Variants in GLP2R observed in about 807,000 individuals in gnomAD.
GLP2R encodes the protein glucagon-like peptide 2 receptor.
A neutral mutation model predicts 68.2 loss-of-function variants in GLP2R; 59 were observed. That is an observed-to-expected ratio of 0.87 (90% confidence interval 0.70 to 1.07). The LOEUF (loss-of-function observed/expected upper bound fraction) is 1.07. Among genes scored for constraint, GLP2R ranks in the 50% least tolerant of loss-of-function variants. GLP2R has a pLI of 0.00. For synonymous variants in GLP2R, 270 were observed against 265.4 expected (o/e 1.02, Z -0.17); for missense variants, 548 against 677.4 (o/e 0.81, Z 2.12).
chr17:9,843,954 C>A (rs1460022938), intron 4 of GLP2R, among the ~76,000 whole-genome samples: 1 of 152,006 alleles, frequency 6.6e-6, no homozygotes, highest in African/African-American at 2.4e-5. Context: ...ACAGTGTGAT[C>A]GTTGCTGGGA....
intron 4 of GLP2R, among the ~76,000 whole-genome samples, chr17:9,852,306 G>A (rs2066899100): frequency 6.6e-6 from 1 of 152,048 alleles, no homozygotes; most frequent in South Asian, 2.1e-4. Flanking sequence ...CCACTTATGA[G>A]TGAGGACGTG....
chr17:9,846,199 C>T (rs1394693670), intron 4 of GLP2R, among the ~76,000 whole-genome samples: 2 of 152,058 alleles, frequency 1.3e-5, no homozygotes, highest in East Asian at 1.9e-4. Context: ...CCTATTAGGT[C>T]CTCTAATATG....
At chr17:9,857,947 G>C (rs1025074474) in intron 6 of GLP2R, among the ~76,000 whole-genome samples, 1 of 152,188 alleles carries the variant, frequency 6.6e-6, no homozygotes, top group Non-Finnish European at 1.5e-5. Flanking sequence ...GAATAAAAAG[G>C]GTGATTGCGT....
chr17:9,882,991 C>CAAAAAAAAAA (rs3073990), intron 11 of GLP2R, among the ~76,000 whole-genome samples: 1 of 126,108 alleles, frequency 7.9e-6, no homozygotes. Flanking sequence ...ATACTCAGGA[C>CAAAAAAAAAA]AAAAAAAAAA....
At chr17:9,862,141 G>A in intron 9 of GLP2R, 51 bp downstream of exon 9, 1 of 1,352,056 alleles carries the variant, frequency 7.4e-7, no homozygotes, top group Non-Finnish European at 1.1e-6. Context: ...CAGCTGTGGG[G>A]AATCCCCCCG....
At chr17:9,848,791 CA>C in intron 4 of GLP2R, among the ~76,000 whole-genome samples, 1 of 151,448 alleles carries the variant, frequency 6.6e-6, no homozygotes, top group Non-Finnish European at 1.5e-5. Context: ...TTTTGGCAAA[CA>C]AAATATGTTA....
intron 11 of GLP2R, among the ~76,000 whole-genome samples, chr17:9,884,942 T>A (rs1386330023): frequency 1.3e-5 from 2 of 152,004 alleles, no homozygotes; most frequent in African/African-American, 2.4e-5. Flanking sequence ...CCGGAAGGCA[T>A]GGGTCAGGCA....
intron 10 of GLP2R, among the ~76,000 whole-genome samples, chr17:9,871,669 A>G (rs938567749): frequency 3.9e-5 from 6 of 151,974 alleles, no homozygotes; most frequent in African/African-American, 1.4e-4. Flanking sequence ...GAATGAATGA[A>G]GAGAGATAAA....
intron 9 of GLP2R, among the ~76,000 whole-genome samples, chr17:9,865,572 T>C (rs1480235258): frequency 2.6e-5 from 4 of 152,210 alleles, no homozygotes; most frequent in African/African-American, 4.8e-5. Flanking sequence ...TATGGATACA[T>C]TTAAAGTTCT....
intron 9 of GLP2R, among the ~76,000 whole-genome samples, chr17:9,865,554 T>G (rs1225850359): frequency 6.6e-6 from 1 of 152,198 alleles, no homozygotes; most frequent in Non-Finnish European, 1.5e-5. Flanking sequence ...TGCCCGATGC[T>G]CTACTCGTAT....
At chr17:9,846,713 T>C (rs1441858138) in intron 4 of GLP2R, among the ~76,000 whole-genome samples, 3 of 152,248 alleles carry the variant, frequency 2.0e-5, no homozygotes, top group Non-Finnish European at 1.5e-5. Context: ...CTTTGGTGTA[T>C]GTTTGAAATT....
intron 9 of GLP2R, chr17:9,866,059 C>CTAGA (rs375670535): frequency 0.18 from 67,608 of 372,664 alleles, 7,600 homozygotes; most frequent in East Asian, 0.5. Flanking sequence ...GGACTCTGTG[C>CTAGA]ATTGGTTCTA....
chr17:9,870,436 G>A (rs2067081530), intron 9 of GLP2R, among the ~76,000 whole-genome samples: 1 of 152,138 alleles, frequency 6.6e-6, no homozygotes, highest in Non-Finnish European at 1.5e-5. Context: ...TTTCTAGATG[G>A]CCTTAATGAT....
rs925647015 is a variant in GLP2R at position 9,890,732 on chromosome 17, G to T, written c.*1027G>T. The T allele has an allele frequency of 5.3e-5, 8 of 152,250 alleles. No homozygotes were observed. Among genetic ancestry groups the T allele is most frequent in the Non-Finnish European group, 1.0e-4 (7 of 68,082 alleles). The allele number at this position is 152,250 out of a possible 1,614,324, so 9.4% of individuals were successfully genotyped here. A position where few individuals can be genotyped will look rare whatever the true frequency, so the allele number is the denominator to read the frequency against. On this transcript the variant is annotated 3_prime_UTR_variant, in exon 13 of 13. Coordinates refer to ENST00000262441, the MANE Select transcript of GLP2R (RefSeq NM_004246.3). ...GTCCCTGCTGATCAGAATTCAATTT[G>T]CCCAGTGGGAATAAATACTGAAAGC...
chr17:9,827,313 G>T (rs1440403265), intron 1 of GLP2R, among the ~76,000 whole-genome samples: 1 of 152,130 alleles, frequency 6.6e-6, no homozygotes, highest in African/African-American at 2.4e-5. Flanking sequence ...AGTGCCAGGT[G>T]CCCCCGTTCC....
At position 9,826,045 on chromosome 17, in the gene GLP2R, G is replaced by T; in HGVS notation, c.-19G>T. The stretch of plus-strand genomic sequence containing the variant: ...CGGCTAGAGAGATGTACCCCTACTT[G>T]TGAAGGTGCACGAGGAAGATGAAGC... On this transcript the variant is annotated 5_prime_UTR_variant, in exon 1 of 13. Transcript: ENST00000262441. 6.2e-7 allele frequency: 1 copy of T among 1,604,414 alleles called. No individual in the cohort carries two copies. Among genetic ancestry groups the T allele is most frequent in the Non-Finnish European group, 8.5e-7 (1 of 1,176,394 alleles).
intron 10 of GLP2R, among the ~76,000 whole-genome samples, chr17:9,876,897 C>T (rs1422635946): frequency 6.6e-6 from 1 of 152,136 alleles, no homozygotes; most frequent in African/African-American, 2.4e-5. Context: ...GATCATTTAT[C>T]GTGTGTCAGA....
intron 4 of GLP2R, among the ~76,000 whole-genome samples, chr17:9,850,789 G>T (rs1322910594): frequency 6.7e-6 from 1 of 149,308 alleles, no homozygotes; most frequent in Non-Finnish European, 1.5e-5. Context: ...CACCTCCAGG[G>T]TTCCAGTGAT....
chr17:9,852,902 C>T, intron 4 of GLP2R: 1 of 467,026 alleles, frequency 2.1e-6, no homozygotes, highest in Non-Finnish European at 4.0e-6. Flanking sequence ...GATTACTTTC[C>T]AGATATACTT....
Sources: allele counts gnomAD v4.1 joint callset (sites outside exome capture counted in the v4.1 genomes callset), GRCh38; gene constraint gnomAD v4.1.1; transcripts MANE v1.5; gene names NCBI Gene and HGNC (gene_info 2026-07-23, HGNC 2026-07-21).